Variants in CAPS2 observed in about 807,000 individuals in gnomAD.
CAPS2 encodes calcyphosin-2.
In CAPS2, 98 loss-of-function variants were observed where a neutral mutation model predicts 86.5. The observed-to-expected ratio is 1.13, with a 90% CI of 0.96 to 1.34. CAPS2 has a LOEUF of 1.34. CAPS2 is among the 40% of genes most tolerant of loss of function. The pLI is 0.00. For synonymous variants in CAPS2, 210 were observed against 225.1 expected, an observed-to-expected ratio of 0.93 and a Z score of 0.60; for missense variants, 729 against 686.8, an observed-to-expected ratio of 1.06 and a Z score of -0.69.
At chr12:75,370,694 T>A (rs897924468) in intron 1 of CAPS2, 1 of 152,360 alleles carries the variant, frequency 6.6e-6, no homozygotes, top group African/African-American at 2.4e-5. Context: ...AAAGTAAATA[T>A]ATGTTCTGCA....
At chr12:75,306,866 A>G (rs531969231) in intron 7 of CAPS2, among the ~76,000 whole-genome samples, 7 of 152,232 alleles carry the variant, frequency 4.6e-5, no homozygotes, top group African/African-American at 1.7e-4. Flanking sequence ...ACACTTTACT[A>G]AACACATTTT....
chr12:75,311,885 A>G (rs939830924), intron 7 of CAPS2, among the ~76,000 whole-genome samples: 7 of 152,100 alleles, frequency 4.6e-5, no homozygotes, highest in Non-Finnish European at 1.0e-4. Flanking sequence ...GGTGGAGGTG[A>G]AAACACTAAG....
At chr12:75,335,850 T>G (rs755760571) in intron 1 of CAPS2, among the ~76,000 whole-genome samples, 5 of 152,014 alleles carry the variant, frequency 3.3e-5, no homozygotes, top group Non-Finnish European at 5.9e-5. Context: ...GAAATAAATC[T>G]TCAACGGAAT....
exon 17 of CAPS2, chr12:75,278,465 G>A (rs2033292001): frequency 1.0e-6 from 1 of 986,006 alleles, no homozygotes; most frequent in Non-Finnish European, 1.2e-6. Context: ...TGACCATGGT[G>A]GCAAATATAT....
At chr12:75,359,268 CATA>C (rs969741772) in intron 1 of CAPS2, among the ~76,000 whole-genome samples, 2 of 145,690 alleles carry the variant, frequency 1.4e-5, no homozygotes, top group South Asian at 2.2e-4. Flanking sequence ...CTGAAAACTA[CATA>C]ATATCATGAG....
chr12:75,329,829 C>A, upstream of CAPS2: 1 of 1,545,100 alleles, frequency 6.5e-7, no homozygotes, highest in Non-Finnish European at 8.7e-7. Context: ...TAATTCAGAG[C>A]ACCTGCAGTG....
chr12:75,354,823 C>CCGCA (rs755203163), intron 1 of CAPS2, among the ~76,000 whole-genome samples: 8 of 152,064 alleles, frequency 5.3e-5, no homozygotes, highest in Non-Finnish European at 1.2e-4. Context: ...AGAAATAAGA[C>CCGCA]CGCACATCTA....
chr12:75,333,293 G>C (rs2041469510), upstream of CAPS2, among the ~76,000 whole-genome samples: 1 of 152,004 alleles, frequency 6.6e-6, no homozygotes, highest in African/African-American at 2.4e-5. Context: ...TATACATAGA[G>C]AGAACTTTAC....
chr12:75,379,999 CA>C (rs1203149479), intron 1 of CAPS2, among the ~76,000 whole-genome samples: 2 of 151,562 alleles, frequency 1.3e-5, no homozygotes, highest in African/African-American at 4.8e-5. Context: ...TCGATTAAAT[CA>C]AAAGGTACTA....
chr12:75,333,226 A>G (rs1049783043), upstream of CAPS2, among the ~76,000 whole-genome samples: 1 of 144,374 alleles, frequency 6.9e-6, no homozygotes, highest in Non-Finnish European at 1.5e-5. Context: ...CTCTCTGTGT[A>G]GATGTATATA....
At chr12:75,316,191 T>C (rs1406520425) in intron 6 of CAPS2, 121 bp downstream of exon 6, 28 of 1,233,452 alleles carry the variant, frequency 2.3e-5, no homozygotes, top group Non-Finnish European at 3.0e-5. Context: ...TTTCCATTAA[T>C]GAATATTCAC....
intron 6 of CAPS2, among the ~76,000 whole-genome samples, chr12:75,315,029 C>T (rs560052496): frequency 6.6e-6 from 1 of 152,312 alleles, no homozygotes; most frequent in Non-Finnish European, 1.5e-5. Context: ...TTTTCACCTA[C>T]ATTTTAAAAC....
At chr12:75,339,866 C>T (rs2041986194) in intron 1 of CAPS2, among the ~76,000 whole-genome samples, 1 of 151,974 alleles carries the variant, frequency 6.6e-6, no homozygotes, top group African/African-American at 2.4e-5. Context: ...TTTTGGTGCA[C>T]CCATCGCCCA....
At chr12:75,276,249 T>C (rs2137909993), downstream of CAPS2, 1 of 1,542,438 alleles carries the variant, frequency 6.5e-7, no homozygotes, top group South Asian at 1.2e-5. Context: ...CTGGTCAACC[T>C]AGTAGTGATT....
chr12:75,284,977 T>C, exon 15 of CAPS2: 1 of 1,604,016 alleles, frequency 6.2e-7, no homozygotes, highest in South Asian at 1.1e-5. Context: ...AACATATGAT[T>C]TCCTGTATTC....
intron 1 of CAPS2, among the ~76,000 whole-genome samples, chr12:75,382,564 C>T (rs2045057455): frequency 6.6e-6 from 1 of 151,594 alleles, no homozygotes; most frequent in Admixed American, 6.6e-5. Flanking sequence ...CACTTGAACC[C>T]AAGAAGCGGA....
chr12:75,276,030 C>T, downstream of CAPS2: 2 of 528,092 alleles, frequency 3.8e-6, no homozygotes, highest in Non-Finnish European at 6.2e-6. Flanking sequence ...AATCAGTTTA[C>T]CTCAGAAGTT....
chr12:75,353,905 A>T (rs1018022583), intron 1 of CAPS2, among the ~76,000 whole-genome samples: 2 of 152,170 alleles, frequency 1.3e-5, no homozygotes, highest in African/African-American at 4.8e-5. Context: ...TGATTATCTC[A>T]ATAGATGCCA....
chr12:75,358,748 TATATA>T (rs201802966), intron 1 of CAPS2, among the ~76,000 whole-genome samples: 326 of 145,088 alleles, frequency 2.2e-3, no homozygotes, highest in African/African-American at 6.2e-3. Context: ...GGTTTAAATA[TATATA>T]ATATATTATA....
Sources: allele counts gnomAD v4.1 joint callset (sites outside exome capture counted in the v4.1 genomes callset), GRCh38; gene constraint gnomAD v4.1.1; transcripts MANE v1.5; gene names NCBI Gene and HGNC (gene_info 2026-07-23, HGNC 2026-07-21).